Variants in ANO10 observed in about 807,000 individuals in gnomAD.
ANO10 encodes anoctamin 10.
ANO10 carries 77 observed loss-of-function variants against 74.7 expected under a neutral mutation model. The ratio of observed to expected loss-of-function variants is 1.03; its 90% CI spans 0.86 to 1.25. ANO10 has a LOEUF of 1.25. ANO10 is among the 50% of genes most tolerant of loss of function. ANO10 has a pLI of 0.00. For synonymous variants in ANO10, 279 were observed against 284.9 expected, an observed-to-expected ratio of 0.98 and a Z score of 0.21; for missense variants, 721 against 778.1, an observed-to-expected ratio of 0.93 and a Z score of 0.87.
chr3:43,424,618 T>A (rs1392223984), intron 12 of ANO10: 1 of 152,236 alleles, frequency 6.6e-6, no homozygotes, highest in Non-Finnish European at 1.5e-5. Flanking sequence ...GAAGACAGCT[T>A]TGACTCACTG....
chr3:43,538,116 G>A (rs1293404652), intron 11 of ANO10, among the ~76,000 whole-genome samples: 1 of 152,072 alleles, frequency 6.6e-6, no homozygotes, highest in Non-Finnish European at 1.5e-5. Flanking sequence ...ATGATAGTTA[G>A]ACCTGGCCCT....
chr3:43,638,144 G>A (rs2083632928), intron 1 of ANO10, among the ~76,000 whole-genome samples: 2 of 152,186 alleles, frequency 1.3e-5, no homozygotes, highest in South Asian at 2.1e-4. Context: ...TCTCCAGACA[G>A]AAATGTATAA....
intron 11 of ANO10, 73 bp downstream of exon 11, chr3:43,549,647 C>A (rs1315919934): frequency 1.9e-6 from 3 of 1,561,866 alleles, no homozygotes; most frequent in Non-Finnish European, 2.6e-6. Context: ...ATGGACAGCC[C>A]GAGACAGCAC....
chr3:43,666,296 G>A (rs2083991187), intron 1 of ANO10, among the ~76,000 whole-genome samples: 1 of 152,148 alleles, frequency 6.6e-6, no homozygotes, highest in South Asian at 2.1e-4. Context: ...AACTGGAAAA[G>A]AAGAGATTAA....
intron 11 of ANO10, among the ~76,000 whole-genome samples, chr3:43,497,351 CAAAG>C: frequency 6.6e-6 from 1 of 152,134 alleles, no homozygotes; most frequent in South Asian, 2.1e-4. Context: ...GTTTACAAAA[CAAAG>C]AAAAGTATCC....
chr3:43,654,200 A>C (rs967605466), intron 1 of ANO10, among the ~76,000 whole-genome samples: 5 of 152,268 alleles, frequency 3.3e-5, no homozygotes, highest in African/African-American at 1.2e-4. Context: ...CACAGGTTAC[A>C]TGGAGGGTTA....
At chr3:43,559,569 G>C (rs571150939) in intron 9 of ANO10, among the ~76,000 whole-genome samples, 1 of 152,300 alleles carries the variant, frequency 6.6e-6, no homozygotes, top group South Asian at 2.1e-4. Flanking sequence ...TGGTGGAGCA[G>C]TTAGGAGGAG....
intron 12 of ANO10, among the ~76,000 whole-genome samples, chr3:43,390,061 T>C (rs2092236406): frequency 6.6e-6 from 1 of 152,226 alleles, no homozygotes; most frequent in African/African-American, 2.4e-5. Flanking sequence ...CCAACAGTTT[T>C]TAAAGTCCTG....
At chr3:43,617,600 A>C (rs2083182670) in intron 1 of ANO10, among the ~76,000 whole-genome samples, 1 of 151,700 alleles carries the variant, frequency 6.6e-6, no homozygotes, top group Admixed American at 6.6e-5. Context: ...ATGTAGAGAA[A>C]CACACTGTGA....
chr3:43,446,047 G>A (rs573010911), intron 11 of ANO10, among the ~76,000 whole-genome samples: 7 of 152,226 alleles, frequency 4.6e-5, no homozygotes, highest in African/African-American at 7.2e-5. Flanking sequence ...GAAGCCTGGC[G>A]GAGAGAGAAA....
At chr3:43,585,953 T>A (rs1391534235) in intron 4 of ANO10, among the ~76,000 whole-genome samples, 1 of 152,184 alleles carries the variant, frequency 6.6e-6, no homozygotes, top group East Asian at 1.9e-4. Context: ...AAGAAATCCC[T>A]AACTTTGATG....
upstream of ANO10, among the ~76,000 whole-genome samples, chr3:43,626,891 C>T (rs1185618958): frequency 6.6e-6 from 1 of 152,098 alleles, no homozygotes; most frequent in Non-Finnish European, 1.5e-5. Flanking sequence ...TCTTTAAACT[C>T]TACAATACAA....
intron 1 of ANO10, among the ~76,000 whole-genome samples, chr3:43,646,109 C>T (rs2083723661): frequency 6.6e-6 from 1 of 152,204 alleles, no homozygotes; most frequent in Admixed American, 6.5e-5. Context: ...CGCCTGGCCT[C>T]TACCTGTTTT....
chr3:43,563,263 G>A (rs2080136322), intron 8 of ANO10, among the ~76,000 whole-genome samples: 1 of 152,094 alleles, frequency 6.6e-6, no homozygotes, highest in African/African-American at 2.4e-5. Flanking sequence ...AAGCCACAAT[G>A]AGATATCATC....
chr3:43,632,921 A>T (rs2083563902), intron 1 of ANO10, among the ~76,000 whole-genome samples: 1 of 152,222 alleles, frequency 6.6e-6, no homozygotes, highest in Non-Finnish European at 1.5e-5. Flanking sequence ...GGTAAATAGA[A>T]TTAATATTCT....
intron 1 of ANO10, among the ~76,000 whole-genome samples, chr3:43,639,313 A>G (rs1239316313): frequency 6.6e-6 from 1 of 152,212 alleles, no homozygotes; most frequent in Non-Finnish European, 1.5e-5. Context: ...CAGCCCAGAG[A>G]TCAGATGACT....
At chr3:43,481,927 C>CTTT (rs1161910647) in intron 11 of ANO10, among the ~76,000 whole-genome samples, 12 of 123,842 alleles carry the variant, frequency 9.7e-5, no homozygotes, top group East Asian at 2.4e-4. Flanking sequence ...CTTTTTTTTT[C>CTTT]TTTTTTTTTT....
chr3:43,641,676 C>T (rs954186536), intron 1 of ANO10, among the ~76,000 whole-genome samples: 1 of 152,230 alleles, frequency 6.6e-6, no homozygotes, highest in Admixed American at 6.5e-5. Context: ...ATTTAAGTCA[C>T]TTTAAGCAGA....
intron 11 of ANO10, among the ~76,000 whole-genome samples, chr3:43,512,110 T>C (rs1024467139): frequency 4.6e-5 from 7 of 152,180 alleles, no homozygotes; most frequent in African/African-American, 1.7e-4. Context: ...CCAGGACAAG[T>C]ACCAGATGCA....
Sources: gnomAD v4.1 joint callset for allele counts (sites outside exome capture counted in the v4.1 genomes callset) on GRCh38, gnomAD v4.1.1 for gene constraint, MANE v1.5 for transcripts, NCBI Gene and HGNC (gene_info 2026-07-23, HGNC 2026-07-21) for gene names.